ZNF804B: variants seen among roughly 807,000 people sequenced by gnomAD.
ZNF804B encodes the protein zinc finger protein 804B.
Under a neutral mutation model 101.4 loss-of-function variants are expected in ZNF804B, and 80 were observed. The ratio of observed to expected loss-of-function variants is 0.79; its 90% CI spans 0.66 to 0.95. The LOEUF is 0.95. Among genes scored for constraint, ZNF804B ranks in the 40% least tolerant of loss-of-function variants. ZNF804B has a pLI of 0.00. For missense variants in ZNF804B, 1,673 were observed against 1,561.9 expected (o/e 1.07, Z -1.20); for synonymous variants, 622 against 558.8 (o/e 1.11, Z -1.59).
chr7:88,920,478 A>G (rs1473858536), intron 1 of ZNF804B, among the ~76,000 whole-genome samples: 3 of 152,050 alleles, frequency 2.0e-5, no homozygotes, highest in African/African-American at 7.2e-5. Context: ...TCAAATTTGG[A>G]TTTAGAAAGC....
chr7:89,293,783 C>T (rs907234472), intron 2 of ZNF804B, among the ~76,000 whole-genome samples: 2 of 149,568 alleles, frequency 1.3e-5, no homozygotes, highest in Non-Finnish European at 3.0e-5. Context: ...AGTGAGACTC[C>T]GTCTCAAAAA....
In ZNF804B at chr7:89,024,209, T is replaced by C. The variant is rs1346246533; in HGVS notation, c.109-193946T>C. Among the ~76,000 whole-genome samples, 4 of 152,190 alleles carry C rather than the reference T, an allele frequency of 2.6e-5. No homozygotes were observed. The East Asian group carries it at 7.7e-4, about 29-fold the overall frequency. On this transcript the variant is annotated intron_variant, in intron 1 of 3. Transcript: ENST00000333190. ...GTTAAGAAAAAGCATACATGGCTTC[T>C]GCTTCTGATAGTGTCCACTCTGTAC...
chr7:88,831,277 AT>A lies in ZNF804B; in HGVS notation c.108+71196del, dbSNP rs536328720. 3.9e-5 allele frequency among the ~76,000 whole-genome samples: 6 copies of A among 151,964 alleles called. No individual in the cohort carries two copies. The South Asian group carries it at 1.2e-3, about 32-fold the overall frequency. On this transcript the variant is annotated intron_variant, in intron 1 of 3. Coordinates refer to ENST00000333190, the MANE Select transcript of ZNF804B (RefSeq NM_181646.5). Reference sequence around the variant, plus strand: ...ACCAACCTACTTTCTATTGCTAAGGATTTGCCTATTCTTGAAATTTCTCCTT... The same window carrying A: ...ACCAACCTACTTTCTATTGCTAAGGATTGCCTATTCTTGAAATTTCTCCTT...
At chr7:88,972,216 A>G (rs1258286732) in intron 1 of ZNF804B, among the ~76,000 whole-genome samples, 1 of 151,530 alleles carries the variant, frequency 6.6e-6, no homozygotes, top group African/African-American at 2.4e-5. Context: ...GTACACCACA[A>G]GTGTGCTCCA....
chr7:89,077,027 A>T (rs972717596), intron 1 of ZNF804B, among the ~76,000 whole-genome samples: 5 of 151,624 alleles, frequency 3.3e-5, no homozygotes, highest in Non-Finnish European at 4.4e-5. Flanking sequence ...GCAGGGTCAG[A>T]GCATATATGT....
At chr7:88,857,590 A>G (rs1411512259) in intron 1 of ZNF804B, among the ~76,000 whole-genome samples, 2 of 152,088 alleles carry the variant, frequency 1.3e-5, no homozygotes, top group African/African-American at 4.8e-5. Flanking sequence ...GAATAGACCA[A>G]TAACAGGCTC....
At chr7:89,278,384 G>A (rs1360009673) in intron 2 of ZNF804B, among the ~76,000 whole-genome samples, 2 of 150,862 alleles carry the variant, frequency 1.3e-5, no homozygotes, top group Non-Finnish European at 3.0e-5. Context: ...TTTGGCTTTT[G>A]TTGCCATTGC....
intron 1 of ZNF804B, among the ~76,000 whole-genome samples, chr7:88,858,506 G>A (rs1345892668): frequency 6.6e-6 from 1 of 152,156 alleles, no homozygotes; most frequent in African/African-American, 2.4e-5. Context: ...AATGGGGCAT[G>A]CAATAGAATT....
At chr7:88,853,985 A>G (rs1252656731) in intron 1 of ZNF804B, among the ~76,000 whole-genome samples, 5 of 152,184 alleles carry the variant, frequency 3.3e-5, no homozygotes, top group African/African-American at 7.2e-5. Flanking sequence ...CACAAATTCC[A>G]TAAAGAAAAT....
chr7:89,081,052 T>C (rs1298959032), intron 1 of ZNF804B, among the ~76,000 whole-genome samples: 1 of 151,366 alleles, frequency 6.6e-6, no homozygotes, highest in African/African-American at 2.4e-5. Context: ...AGCTAGGCTT[T>C]CAGAGATAAA....
At chr7:88,961,812 A>G (rs2116090878) in intron 1 of ZNF804B, among the ~76,000 whole-genome samples, 1 of 151,490 alleles carries the variant, frequency 6.6e-6, no homozygotes, top group African/African-American at 2.4e-5. Context: ...TGAAAGGGAA[A>G]GGCATTTTAA....
At chr7:88,918,529 A>G (rs752198283) in intron 1 of ZNF804B, among the ~76,000 whole-genome samples, 9 of 152,186 alleles carry the variant, frequency 5.9e-5, no homozygotes, top group South Asian at 4.1e-4. Context: ...AAATGTTTAC[A>G]TCACAATAAA....
intron 1 of ZNF804B, among the ~76,000 whole-genome samples, chr7:89,116,067 G>GTTA (rs913702383): frequency 1.7e-4 from 9 of 52,680 alleles, no homozygotes; most frequent in African/African-American, 8.6e-4. Flanking sequence ...ACCATGCCCA[G>GTTA]TTATTATTTT....
chr7:89,104,796 A>G (rs1003454021), intron 1 of ZNF804B, among the ~76,000 whole-genome samples: 1 of 151,968 alleles, frequency 6.6e-6, no homozygotes, highest in Admixed American at 6.6e-5. Flanking sequence ...TATTTGTAAG[A>G]TCTGTGAGGT....
At chr7:89,206,242 C>T (rs1410151798) in intron 1 of ZNF804B, among the ~76,000 whole-genome samples, 2 of 151,778 alleles carry the variant, frequency 1.3e-5, no homozygotes, top group African/African-American at 4.8e-5. Flanking sequence ...ATGAAGGTAT[C>T]TGACATGCCC....
chr7:89,093,460 T>A (rs1345753200), intron 1 of ZNF804B, among the ~76,000 whole-genome samples: 4 of 152,210 alleles, frequency 2.6e-5, no homozygotes, highest in East Asian at 3.9e-4. Flanking sequence ...AAAGGAGTTT[T>A]AAAAAATTTG....
Position 89,098,331 on chromosome 7 carries a change from G to A in ZNF804B, c.109-119824G>A, listed in dbSNP as rs150993784. On this transcript the variant is annotated intron_variant, in intron 1 of 3. Transcript: ENST00000333190. ...CTTTTGCCCAGGCTGGAGTGCAGTG[G>A]TATGATCTTGACTCACTGCAACCTC... 1.7e-3 allele frequency among the ~76,000 whole-genome samples: 252 copies of A among 150,900 alleles called. 1 individual carries two copies. Among genetic ancestry groups the A allele is most frequent in the African/African-American group, 5.8e-3 (237 of 41,090 alleles).
intron 2 of ZNF804B, among the ~76,000 whole-genome samples, chr7:89,275,652 T>C (rs1422539376): frequency 6.6e-6 from 1 of 151,962 alleles, no homozygotes; most frequent in East Asian, 1.9e-4. Context: ...AATATAGTCT[T>C]TTATACCTAT....
chr7:88,898,784 T>A (rs1562826362), intron 1 of ZNF804B, among the ~76,000 whole-genome samples: 1 of 152,214 alleles, frequency 6.6e-6, no homozygotes, highest in Non-Finnish European at 1.5e-5. Context: ...GCTTGTTTGC[T>A]CTGCAGTGAT....
Sources: allele counts gnomAD v4.1 joint callset (sites outside exome capture counted in the v4.1 genomes callset), GRCh38; gene constraint gnomAD v4.1.1; transcripts MANE v1.5; gene names NCBI Gene and HGNC (gene_info 2026-07-23, HGNC 2026-07-21).